The following C14orf132 variants were observed in gnomAD, a reference collection of about 807,000 sequenced individuals.
C14orf132 encodes the protein uncharacterized protein C14orf132.
In C14orf132, 6 loss-of-function variants were observed where a neutral mutation model predicts 5.8. The ratio of observed to expected loss-of-function variants is 1.03; its 90% CI spans 0.57 to 2.04. The LOEUF is 2.04. Ranked by LOEUF, C14orf132 falls within the 30% of genes most tolerant of loss-of-function variation. C14orf132 has a pLI of 0.00. For synonymous variants in C14orf132, 51 were observed against 49.8 expected (o/e 1.02, Z -0.10); for missense variants, 125 against 115.8 (o/e 1.08, Z -0.37).
rs555518626 is a variant in C14orf132, at chr14:96,053,477, C to T, written c.27+13950C>T. Among the ~76,000 whole-genome samples, 181 of 152,328 alleles carry T rather than the reference C, an allele frequency of 1.2e-3. 1 individual carries two copies. The Middle Eastern group carries it at 0.014, about 11-fold the overall frequency. On this transcript the variant is annotated intron_variant, in intron 1 of 1. Coordinates refer to ENST00000555004, the MANE Select transcript of C14orf132 (RefSeq NM_001252507.3). The stretch of plus-strand genomic sequence containing the variant: ...CCAGTACATGTTGACTTTGATGAAT[C>T]CATCAGGAAGGCAGCAGAAGATAAG...
rs755530241 is a variant in C14orf132, at chr14:96,070,596, T to TCTCTCTCACACA, written c.28-15914_28-15913insTCTCTCACACAC. Among the ~76,000 whole-genome samples the TCTCTCTCACACA allele has an allele frequency of 2.8e-5, 4 of 142,664 alleles. No individual in the cohort carries two copies. The South Asian group carries it at 7.3e-4, about 26-fold the overall frequency. The allele number at this position is 142,664 out of a possible 152,430, so 93.6% of individuals were successfully genotyped here. A position where few individuals can be genotyped will look rare whatever the true frequency, so the allele number is the denominator to read the frequency against. ...GGTAGATGAAGTCTCTCTCTCTCTC[T>TCTCTCTCACACA]CACACACACACACACACACACACAC... On this transcript the variant is annotated intron_variant, in intron 1 of 1. Coordinates refer to ENST00000555004, the MANE Select transcript of C14orf132 (RefSeq NM_001252507.3).
At chr14:96,046,989 A>C (rs1407188641) in intron 1 of C14orf132, among the ~76,000 whole-genome samples, 1 of 152,256 alleles carries the variant, frequency 6.6e-6, no homozygotes, top group Non-Finnish European at 1.5e-5. Context: ...ATCGCTGCCC[A>C]GAAAAATAGA....
At chr14:96,061,011 T>C (rs1184438124) in intron 1 of C14orf132, among the ~76,000 whole-genome samples, 4 of 152,178 alleles carry the variant, frequency 2.6e-5, no homozygotes, top group Non-Finnish European at 5.9e-5. Flanking sequence ...CATCTTTAAA[T>C]AGTAAAAACA....
At chr14:96,081,059 T>G (rs1888018750) in intron 1 of C14orf132, among the ~76,000 whole-genome samples, 1 of 152,234 alleles carries the variant, frequency 6.6e-6, no homozygotes, top group African/African-American at 2.4e-5. Flanking sequence ...AAGAAACGAC[T>G]GCAGATGAAA....
intron 1 of C14orf132, among the ~76,000 whole-genome samples, chr14:96,042,924 G>A (rs1886732086): frequency 1.3e-5 from 2 of 152,240 alleles, no homozygotes; most frequent in Admixed American, 6.5e-5. Flanking sequence ...GTGGCCAAGA[G>A]GACAGGGCCA....
intron 1 of C14orf132, among the ~76,000 whole-genome samples, chr14:96,057,131 A>G (rs1231925185): frequency 6.6e-6 from 1 of 152,200 alleles, no homozygotes; most frequent in Non-Finnish European, 1.5e-5. Flanking sequence ...CCCCAATGCA[A>G]TGGTATTATC....
At chr14:96,040,456 C>T (rs2081998819) in intron 1 of C14orf132, 1 of 392,140 alleles carries the variant, frequency 2.6e-6, no homozygotes, top group Admixed American at 4.5e-5. Context: ...GGGAGGCCAC[C>T]CAGGCTCCCT....
chr14:96,068,492 C>T (rs951185349), intron 1 of C14orf132, among the ~76,000 whole-genome samples: 3 of 152,102 alleles, frequency 2.0e-5, no homozygotes, highest in South Asian at 4.1e-4. Flanking sequence ...AGAGGCAGAC[C>T]CCACCCACTG....
intron 1 of C14orf132, among the ~76,000 whole-genome samples, chr14:96,073,150 G>GT (rs34019892): frequency 0.33 from 49,629 of 150,120 alleles, 8,099 homozygotes; most frequent in South Asian, 0.39. Context: ...GGAACATCAG[G>GT]TTTTTTTTTT....
chr14:96,066,165 A>C (rs1162021553), intron 1 of C14orf132, among the ~76,000 whole-genome samples: 1 of 152,088 alleles, frequency 6.6e-6, no homozygotes, highest in African/African-American at 2.4e-5. Context: ...CCTCCTCTGA[A>C]TGCAAGCTGT....
At chr14:96,040,204 C>G (rs188461043) in intron 1 of C14orf132, 136 of 351,870 alleles carry the variant, frequency 3.9e-4, no homozygotes, top group African/African-American at 2.7e-3. Context: ...GAATTTTCCT[C>G]CGGCAGAATG....
intron 1 of C14orf132, among the ~76,000 whole-genome samples, chr14:96,044,702 T>G (rs1348692272): frequency 6.6e-6 from 1 of 152,168 alleles, no homozygotes; most frequent in East Asian, 1.9e-4. Context: ...GGCATCACAG[T>G]GTTACCTGCA....
chr14:96,065,651 C>A (rs1225941089), intron 1 of C14orf132, among the ~76,000 whole-genome samples: 1 of 151,704 alleles, frequency 6.6e-6, no homozygotes, highest in Non-Finnish European at 1.5e-5. Context: ...CTAGCCTGAC[C>A]CCCTCCACCC....
chr14:96,070,316 A>G (rs1419330084), intron 1 of C14orf132, among the ~76,000 whole-genome samples: 1 of 152,156 alleles, frequency 6.6e-6, no homozygotes, highest in Non-Finnish European at 1.5e-5. Flanking sequence ...CTCATGAGCC[A>G]GGTAGCCATC....
At chr14:96,050,224 C>A (rs952271500) in intron 1 of C14orf132, among the ~76,000 whole-genome samples, 3 of 152,094 alleles carry the variant, frequency 2.0e-5, no homozygotes, top group Admixed American at 2.0e-4. Flanking sequence ...CATAAATATT[C>A]TTGTGCTTTG....
intron 1 of C14orf132, among the ~76,000 whole-genome samples, chr14:96,082,709 T>C (rs1000949367): frequency 4.6e-5 from 7 of 152,202 alleles, no homozygotes; most frequent in African/African-American, 1.7e-4. Context: ...GTGTTCCTGA[T>C]TTCCTCACTT....
chr14:96,069,179 GTATATA>G (rs527543816), intron 1 of C14orf132, among the ~76,000 whole-genome samples: 1 of 48,762 alleles, frequency 2.1e-5, no homozygotes, highest in African/African-American at 5.0e-5. Context: ...ATATATATAT[GTATATA>G]TATATATATG....
intron 1 of C14orf132, among the ~76,000 whole-genome samples, chr14:96,059,559 C>A (rs1887283211): frequency 1.3e-5 from 2 of 152,202 alleles, no homozygotes; most frequent in African/African-American, 4.8e-5. Context: ...TCCTTGCTGT[C>A]AGCCACTGTG....
chr14:96,075,194 A>C (rs1182572923), intron 1 of C14orf132, among the ~76,000 whole-genome samples: 2 of 152,138 alleles, frequency 1.3e-5, no homozygotes, highest in Non-Finnish European at 2.9e-5. Flanking sequence ...TTTTTGGCTA[A>C]AGTTCATATT....
Sources: gnomAD v4.1 joint callset for allele counts (sites outside exome capture counted in the v4.1 genomes callset) on GRCh38, gnomAD v4.1.1 for gene constraint, MANE v1.5 for transcripts, NCBI Gene and HGNC (gene_info 2026-07-23, HGNC 2026-07-21) for gene names.